GMDS: variants seen among roughly 807,000 people sequenced by gnomAD.
The protein encoded by GMDS is GDP-mannose 4,6-dehydratase, also known as GDP-mannose 4,6 dehydratase.
In GMDS, 20 loss-of-function variants were observed where a neutral mutation model predicts 49.9. That is an observed-to-expected ratio of 0.40 (90% CI 0.28 to 0.58). The LOEUF is 0.58. Ranked by LOEUF, GMDS falls within the 20% of genes least tolerant of loss-of-function variation. The pLI is 0.42. For synonymous variants in GMDS, 177 were observed against 178.6 expected (o/e 0.99, Z 0.07); for missense variants, 362 against 481.4 (o/e 0.75, Z 2.32).
In GMDS at chr6:1,961,137, C is replaced by A. The variant is rs370126703; in HGVS notation, c.346-171G>T. 5.9e-5 allele frequency among the ~76,000 whole-genome samples: 9 copies of A among 152,270 alleles called. No individual in the cohort carries two copies. In the South Asian group the frequency reaches 1.5e-3, roughly 25 times the overall value. On this transcript the variant is annotated intron_variant, in intron 4 of 10. Coordinates refer to ENST00000380815, the MANE Select transcript of GMDS (RefSeq NM_001500.4). ...GTCATCTACATACAGTATCAAATTG[C>A]TAAAAATATCTTAATTCCTATTAAT... is the stretch of plus-strand genomic sequence containing the variant.
intron 1 of GMDS, among the ~76,000 whole-genome samples, chr6:2,140,799 G>A (rs1449811119): frequency 6.6e-6 from 1 of 152,150 alleles, no homozygotes; most frequent in Non-Finnish European, 1.5e-5. Flanking sequence ...TCAACCATTT[G>A]GGGTGAGGAA....
At chr6:1,686,878 C>T (rs576058685) in intron 9 of GMDS, among the ~76,000 whole-genome samples, 2 of 152,266 alleles carry the variant, frequency 1.3e-5, no homozygotes, top group South Asian at 4.1e-4. Context: ...GGAGGCAATA[C>T]AATTTTTTTA....
At chr6:1,922,683 T>C (rs1261347253) in intron 7 of GMDS, among the ~76,000 whole-genome samples, 1 of 152,160 alleles carries the variant, frequency 6.6e-6, no homozygotes, top group African/African-American at 2.4e-5. Context: ...GTGGTTTGAC[T>C]GGAGAGGGAA....
chr6:2,115,729 C>A lies in GMDS; in HGVS notation c.345+42G>T, dbSNP rs776625047. The A allele has an allele frequency of 5.9e-6, 6 of 1,023,342 alleles. No individual in the cohort carries two copies. The South Asian group carries it at 7.6e-5, about 13-fold the overall frequency. The allele number at this position is 1,023,342 out of a possible 1,614,324, so 63.4% of individuals were successfully genotyped here. A position where few individuals can be genotyped will look rare whatever the true frequency, so the allele number is the denominator to read the frequency against. On this transcript the variant is annotated intron_variant, in intron 4 of 10. Coordinates refer to ENST00000380815, the MANE Select transcript of GMDS (RefSeq NM_001500.4). ...GCAGACACAAGTAAAATACAGAACG[C>A]CACAGAAACACGGCCAGAGAAATCC...
intron 1 of GMDS, among the ~76,000 whole-genome samples, chr6:2,143,027 G>A (rs1170506560): frequency 6.6e-6 from 1 of 152,166 alleles, no homozygotes; most frequent in Non-Finnish European, 1.5e-5. Context: ...CCTCCAGCCT[G>A]CATCAGACCC....
At chr6:1,687,330 T>A (rs967524696) in intron 9 of GMDS, among the ~76,000 whole-genome samples, 3 of 152,212 alleles carry the variant, frequency 2.0e-5, no homozygotes, top group African/African-American at 7.2e-5. Flanking sequence ...GTTTCAGACC[T>A]GGAAGTGGCG....
chr6:2,046,616 C>T (rs577741099), intron 4 of GMDS, among the ~76,000 whole-genome samples: 1 of 152,156 alleles, frequency 6.6e-6, no homozygotes, highest in South Asian at 2.1e-4. Flanking sequence ...GGTGCCACTA[C>T]CCCCGGTTAA....
At chr6:1,786,058 T>C (rs1336294528) in intron 7 of GMDS, among the ~76,000 whole-genome samples, 1 of 152,256 alleles carries the variant, frequency 6.6e-6, no homozygotes, top group Admixed American at 6.5e-5. Flanking sequence ...AAAACCAGCG[T>C]GCTGCTGCTT....
intron 6 of GMDS, among the ~76,000 whole-genome samples, chr6:1,944,582 A>AAGCCTAGGAGTTAGATTTCAGCT (rs1762978691): frequency 6.6e-6 from 1 of 151,040 alleles, no homozygotes; most frequent in Non-Finnish European, 1.5e-5. Context: ...AGGCAGGAGA[A>AAGCCTAGGAGTTAGATTTCAGCT]TGGCGTGAAC....
At chr6:1,873,606 G>A (rs1662899552) in intron 7 of GMDS, among the ~76,000 whole-genome samples, 1 of 152,178 alleles carries the variant, frequency 6.6e-6, no homozygotes, top group Non-Finnish European at 1.5e-5. Flanking sequence ...CTAGCACTAA[G>A]ACTGAAGGAC....
chr6:1,710,081 C>T (rs1221144945), intron 9 of GMDS, among the ~76,000 whole-genome samples: 5 of 152,198 alleles, frequency 3.3e-5, no homozygotes, highest in Non-Finnish European at 7.3e-5. Context: ...TGTTTTTATA[C>T]TGCTGAAGTC....
intron 4 of GMDS, among the ~76,000 whole-genome samples, chr6:2,039,732 G>A (rs903828107): frequency 6.6e-6 from 1 of 152,042 alleles, no homozygotes; most frequent in Non-Finnish European, 1.5e-5. Flanking sequence ...TATGCAAGGA[G>A]CTGTCGTCTC....
chr6:1,950,028 T>C (rs994498841), intron 6 of GMDS, among the ~76,000 whole-genome samples: 1 of 152,238 alleles, frequency 6.6e-6, no homozygotes, highest in Non-Finnish European at 1.5e-5. Flanking sequence ...TGATTTGAAT[T>C]TGCCAAACTG....
At chr6:1,968,893 C>G (rs1490979789) in intron 4 of GMDS, among the ~76,000 whole-genome samples, 3 of 152,026 alleles carry the variant, frequency 2.0e-5, no homozygotes, top group Non-Finnish European at 4.4e-5. Context: ...CATTAAATCC[C>G]CAAGAATCAT....
At chr6:1,911,041 A>G (rs888110270) in intron 7 of GMDS, among the ~76,000 whole-genome samples, 4 of 152,232 alleles carry the variant, frequency 2.6e-5, no homozygotes, top group Non-Finnish European at 4.4e-5. Flanking sequence ...TGGACCCTAC[A>G]GTCAGGGAAA....
rs185595972 is a variant in GMDS, at chr6:1,749,435, A to G, written c.772-6849T>C. Among the ~76,000 whole-genome samples the G allele has an allele frequency of 4.7e-3, 717 of 152,080 alleles. 4 individuals carry two copies. The highest frequency in any genetic ancestry group is 0.016 in the African/African-American group (684 of 41,492). On this transcript the variant is annotated intron_variant, in intron 7 of 10. Coordinates refer to ENST00000380815, the MANE Select transcript of GMDS (RefSeq NM_001500.4). Reference sequence around the variant, plus strand: ...AAACCCCGTCTCTACAAAAAATACAAAACTTAGCTGGGCGTGGTGGGGGCG... The same window carrying G: ...AAACCCCGTCTCTACAAAAAATACAGAACTTAGCTGGGCGTGGTGGGGGCG...
intron 4 of GMDS, among the ~76,000 whole-genome samples, chr6:1,962,188 T>C (rs1763984958): frequency 6.6e-6 from 1 of 152,128 alleles, no homozygotes; most frequent in African/African-American, 2.4e-5. Context: ...GCCCAGAACA[T>C]TTTCATCACC....
chr6:2,126,682 C>A (rs575065640), intron 1 of GMDS, among the ~76,000 whole-genome samples: 4 of 152,174 alleles, frequency 2.6e-5, no homozygotes, highest in Non-Finnish European at 5.9e-5. Flanking sequence ...TCACCCAGGC[C>A]GGAGTGCAGT....
At chr6:2,092,600 G>A (rs56208506) in intron 4 of GMDS, among the ~76,000 whole-genome samples, 5,187 of 152,194 alleles carry the variant, frequency 0.034, 291 homozygotes, top group African/African-American at 0.12. Flanking sequence ...ACAAATAATA[G>A]ATGCAGAGTC....
Sources: gnomAD v4.1 joint callset for allele counts (sites outside exome capture counted in the v4.1 genomes callset) on GRCh38, gnomAD v4.1.1 for gene constraint, MANE v1.5 for transcripts, NCBI Gene and HGNC (gene_info 2026-07-23, HGNC 2026-07-21) for gene names.